The following SCHIP1 variants were observed in gnomAD, a reference collection of about 807,000 sequenced individuals.
SCHIP1 encodes schwannomin-interacting protein 1.
Under a neutral mutation model 29.7 loss-of-function variants are expected in SCHIP1, and 8 were observed. That is an observed-to-expected ratio of 0.27 (90% CI 0.16 to 0.49). The LOEUF (loss-of-function observed/expected upper bound fraction) is 0.49, where lower values mean the gene tolerates loss of function less well. Ranked by LOEUF, SCHIP1 falls within the 20% of genes least tolerant of loss-of-function variation. The pLI is 0.99. For missense variants in SCHIP1, 193 were observed against 294.6 expected, an observed-to-expected ratio of 0.66 and a Z score of 2.52; for synonymous variants, 76 against 94.9, an observed-to-expected ratio of 0.80 and a Z score of 1.16.
chr3:159,808,891 A>G, the SCHIP1 span, among the ~76,000 whole-genome samples: 2 of 151,898 alleles, frequency 1.3e-5, no homozygotes, highest in African/African-American at 2.4e-5. Context: ...TGGGAGACAG[A>G]GGTTGCAGTG....
At chr3:159,599,421 C>T in the SCHIP1 span, among the ~76,000 whole-genome samples, 1 of 152,118 alleles carries the variant, frequency 6.6e-6, no homozygotes, top group Admixed American at 6.6e-5. Context: ...CCTGCCCTTT[C>T]CCCAAAGTCC....
the SCHIP1 span, among the ~76,000 whole-genome samples, chr3:159,286,138 TG>T: frequency 6.6e-6 from 1 of 152,140 alleles, no homozygotes; most frequent in Non-Finnish European, 1.5e-5. Flanking sequence ...TTCCATGTCA[TG>T]GGGGTTTGGT....
chr3:159,618,625 A>G, the SCHIP1 span, among the ~76,000 whole-genome samples: 2 of 152,206 alleles, frequency 1.3e-5, no homozygotes, highest in Non-Finnish European at 2.9e-5. Context: ...CCTTCTACCA[A>G]CTTTCCATCT....
the SCHIP1 span, among the ~76,000 whole-genome samples, chr3:159,822,381 G>A: frequency 6.6e-6 from 1 of 152,046 alleles, no homozygotes; most frequent in African/African-American, 2.4e-5. Context: ...TAGTGCAATG[G>A]AAGAATTATT....
chr3:159,379,512 C>T, the SCHIP1 span, among the ~76,000 whole-genome samples: 1,338 of 152,286 alleles, frequency 8.8e-3, 18 homozygotes, highest in African/African-American at 0.031. Flanking sequence ...CGTGAGCCAC[C>T]TTGCCCAGCC....
At chr3:159,450,369 C>T in the SCHIP1 span, among the ~76,000 whole-genome samples, 34 of 152,266 alleles carry the variant, frequency 2.2e-4, no homozygotes, top group Admixed American at 9.8e-4. Flanking sequence ...TTTGGAATTG[C>T]GTGTTACATT....
chr3:159,694,039 T>C, the SCHIP1 span, among the ~76,000 whole-genome samples: 1 of 152,134 alleles, frequency 6.6e-6, no homozygotes, highest in African/African-American at 2.4e-5. Flanking sequence ...AATATAGGTA[T>C]GCACTCACCT....
At chr3:159,610,664 T>C in the SCHIP1 span, among the ~76,000 whole-genome samples, 9 of 152,142 alleles carry the variant, frequency 5.9e-5, no homozygotes, top group Admixed American at 5.2e-4. Context: ...GGAAAACTGG[T>C]TATATTGCTC....
At chr3:159,508,274 C>G in the SCHIP1 span, among the ~76,000 whole-genome samples, 4 of 152,198 alleles carry the variant, frequency 2.6e-5, no homozygotes, top group Admixed American at 2.0e-4. Context: ...ATAGTATTCT[C>G]TGACAGTAGT....
the SCHIP1 span, among the ~76,000 whole-genome samples, chr3:159,799,418 G>A: frequency 2.0e-5 from 3 of 152,308 alleles, no homozygotes; most frequent in African/African-American, 7.2e-5. Context: ...TTACAAAGAG[G>A]ATGGCACTGA....
chr3:159,739,801 G>T, the SCHIP1 span, among the ~76,000 whole-genome samples: 1 of 152,150 alleles, frequency 6.6e-6, no homozygotes, highest in Non-Finnish European at 1.5e-5. Context: ...TTCTCTGAGG[G>T]TCAATATGAA....
chr3:159,767,893 G>T, the SCHIP1 span, among the ~76,000 whole-genome samples: 28 of 152,248 alleles, frequency 1.8e-4, no homozygotes, highest in African/African-American at 6.5e-4. Context: ...CTGAAATGTA[G>T]GCGGGAGTTC....
chr3:159,764,783 G>A, the SCHIP1 span: 3 of 1,566,070 alleles, frequency 1.9e-6, no homozygotes, highest in East Asian at 2.4e-5. This position sits in a 1 kb window ranked among gnomAD's most constrained non-coding sequence, Gnocchi z 6.1. Context: ...GGCGGCGGCG[G>A]GGGCAGGAGC....
the SCHIP1 span, among the ~76,000 whole-genome samples, chr3:159,664,804 C>T: frequency 2.0e-5 from 3 of 152,220 alleles, no homozygotes; most frequent in Non-Finnish European, 2.9e-5. Context: ...TCTTGATGGT[C>T]AGTCACTCTG....
At chr3:159,774,517 C>T in the SCHIP1 span, among the ~76,000 whole-genome samples, 1 of 152,120 alleles carries the variant, frequency 6.6e-6, no homozygotes, top group African/African-American at 2.4e-5. Flanking sequence ...TTTTTTCTCT[C>T]CACTGACCGA....
the SCHIP1 span, among the ~76,000 whole-genome samples, chr3:159,350,417 G>T: frequency 6.6e-6 from 1 of 152,094 alleles, no homozygotes; most frequent in African/African-American, 2.4e-5. Flanking sequence ...GGTTTGTGTT[G>T]TAAATATGCT....
At chr3:159,763,840 G>A in the SCHIP1 span, 1 of 152,208 alleles carries the variant, frequency 6.6e-6, no homozygotes, top group Non-Finnish European at 1.5e-5. Context: ...GCCGGCCAGG[G>A]AGACGCGGAG....
chr3:159,371,672 T>C, the SCHIP1 span, among the ~76,000 whole-genome samples: 1 of 152,212 alleles, frequency 6.6e-6, no homozygotes, highest in Non-Finnish European at 1.5e-5. Flanking sequence ...AATTCACGGA[T>C]GCTGAGGACT....
the SCHIP1 span, among the ~76,000 whole-genome samples, chr3:159,590,738 C>T: frequency 6.6e-6 from 1 of 152,120 alleles, no homozygotes; most frequent in Non-Finnish European, 1.5e-5. Flanking sequence ...GTAATGATGA[C>T]TTTGATTACT....
Sources: allele counts gnomAD v4.1 joint callset (sites outside exome capture counted in the v4.1 genomes callset), GRCh38; gene constraint gnomAD v4.1.1; non-coding constraint Gnocchi (gnomAD v3.1); transcripts MANE v1.5; gene names NCBI Gene and HGNC (gene_info 2026-07-23, HGNC 2026-07-21).